Variants in CIC observed in about 807,000 individuals in gnomAD.
The protein encoded by CIC is protein capicua homolog.
CIC carries 18 observed loss-of-function variants against 115.7 expected under a neutral mutation model. The ratio of observed to expected loss-of-function variants is 0.16; its 90% CI spans 0.11 to 0.23. The LOEUF (loss-of-function observed/expected upper bound fraction) is 0.23, where lower values mean the gene tolerates loss of function less well. Among genes scored for constraint, CIC ranks in the 10% least tolerant of loss-of-function variants. CIC has a pLI of 1.00. For missense variants in CIC, 2,000 were observed against 2,159.3 expected, an observed-to-expected ratio of 0.93 and a Z score of 1.46; for synonymous variants, 1,076 against 923.0, an observed-to-expected ratio of 1.17 and a Z score of -3.01.
At position 42,293,134 on chromosome 19, in the gene CIC, A is replaced by T. The variant is rs754452257; in HGVS notation, c.6375A>T (p.Pro2125=). 3.7e-6 allele frequency: 6 copies of T among 1,608,190 alleles called. No homozygotes were observed. The South Asian group carries it at 6.6e-5, about 18-fold the overall frequency. The part of the protein sequence containing the change: ...QPLEPGPVRE[P]TAPESELEGQ... ...TGGAGCCTGGCCCAGTCCGAGAGCC[A>T]ACTGCCCCAGAGTCTGAGCTTGAGG... The change falls in exon 16 of 21, where the codon CCA becomes CCT. Residue 2125 remains proline, a synonymous_variant. Transcript: ENST00000681038.
In CIC at chr19:42,291,394, G is replaced by GTCCTGGCTGCCACTGCACCCAC. The variant is rs1321489562; in HGVS notation, c.5361_5382dup (p.Ile1795CysfsTer52). On this transcript the variant is annotated frameshift_variant, in exon 11 of 21. Transcript: ENST00000681038. LOFTEE classifies it high-confidence loss of function. Reference sequence around the variant, plus strand: ...ACCGGGCACTTCCACCAACGGCAAAGTCCTGGCTGCCACTGCACCCACTCC... The same window carrying GTCCTGGCTGCCACTGCACCCAC: ...ACCGGGCACTTCCACCAACGGCAAAGTCCTGGCTGCCACTGCACCCACTCCTGGCTGCCACTGCACCCACTCC... 1 of 1,612,370 alleles carries GTCCTGGCTGCCACTGCACCCAC rather than the reference G, an allele frequency of 6.2e-7. No homozygotes were observed. Among genetic ancestry groups the GTCCTGGCTGCCACTGCACCCAC allele is most frequent in the Non-Finnish European group, 8.5e-7 (1 of 1,179,742 alleles).
rs1471962009 is a variant in CIC at position 42,289,405 on chromosome 19, T to G, written c.4086T>G (p.Ile1362Met). The G allele has an allele frequency of 6.4e-7, 1 of 1,570,424 alleles. No homozygotes were observed. The highest frequency in any genetic ancestry group is 2.4e-5 in the East Asian group (1 of 41,904). ...AGGAGGAAGGGGATGATGATGTCAT[T>G]GGTGAGCATTGCAGGGCCCAGAATC... Reference protein sequence around the residue: ...ICEEEGDDDVIADDGFGTTDI... With the variant: ...ICEEEGDDDVMADDGFGTTDI... Residue 1362 changes from isoleucine (I) to methionine (M), a missense_variant and splice_region_variant, in exon 9 of 21, where the codon ATT becomes ATG. This residue lies in a region of CIC where 1,466 missense variants were observed against 1,390.4 expected (regional missense o/e 1.05). Transcript: ENST00000681038.
At position 42,289,904 on chromosome 19, in the gene CIC, G is replaced by T; in HGVS notation, c.4144G>T (p.Asp1382Tyr). ...TCTCAAGTGCAAGGAGCGGGTGACC[G>T]ACAGCGAGAGTGGGGACAGCTCTGG... ...IDLKCKERVTDSESGDSSGED... is the reference protein window; with the variant it reads ...IDLKCKERVTYSESGDSSGED... Residue 1382 changes from aspartate to tyrosine, a missense_variant, in exon 10 of 21, where the codon GAC becomes TAC. Around this residue, in one of 8 missense-constraint regions of CIC, gnomAD observed 1,466 missense variants for 1,390.4 expected, o/e 1.05. Coordinates refer to ENST00000681038, the MANE Select transcript of CIC (RefSeq NM_001386298.1). 1.2e-6 allele frequency: 2 copies of T among 1,610,320 alleles called. No individual in the cohort carries two copies. Among genetic ancestry groups the T allele is most frequent in the African/African-American group, 2.7e-5 (2 of 75,002 alleles).
At chr19:42,283,908 A>ATGGGGGCGGGCGCGGCGGGGCCTGACC (rs2037394395) in intron 2 of CIC, 1 of 150,454 alleles carries the variant, frequency 6.6e-6, no homozygotes, top group Non-Finnish European at 1.5e-5. Flanking sequence ...GGGGCGGCCA[A>ATGGGGGCGGGCGCGGCGGGGCCTGACC]TGGGGGCGGG....
At chr19:42,282,880 GA>G (rs1391282492) in intron 2 of CIC, among the ~76,000 whole-genome samples, 12 of 151,780 alleles carry the variant, frequency 7.9e-5, no homozygotes, top group Admixed American at 1.3e-4. Context: ...TTTTTTCTGG[GA>G]GGGGGGGCGG....
At position 42,289,407 on chromosome 19, in the gene CIC, G is replaced by A; in HGVS notation, c.4087+1G>A. 6.4e-7 allele frequency: 1 copy of A among 1,570,506 alleles called. No individual in the cohort carries two copies. Among genetic ancestry groups the A allele is most frequent in the Non-Finnish European group, 8.6e-7 (1 of 1,157,596 alleles). ...GAGGAAGGGGATGATGATGTCATTG[G>A]TGAGCATTGCAGGGCCCAGAATCTT... On this transcript the variant is annotated splice_donor_variant, in intron 9 of 20. Transcript: ENST00000681038. LOFTEE classifies it high-confidence loss of function.
At chr19:42,279,558 A>G (rs994240209) in intron 2 of CIC, among the ~76,000 whole-genome samples, 1 of 152,354 alleles carries the variant, frequency 6.6e-6, no homozygotes, top group Admixed American at 6.5e-5. Context: ...ATGAGCAAAG[A>G]CCAGGAAGAG....
intron 16 of CIC, 69 bp from the exon 17 acceptor site, chr19:42,293,523 T>A: frequency 6.2e-7 from 1 of 1,610,218 alleles, no homozygotes; most frequent in South Asian, 1.1e-5. Context: ...GATCCAACTC[T>A]TTGTTTCTGG....
chr19:42,292,316 T>G lies in CIC; in HGVS notation c.5752T>G (p.Ser1918Ala). 9 of 1,613,162 alleles carry G rather than the reference T, an allele frequency of 5.6e-6. No homozygotes were observed. Among genetic ancestry groups the G allele is most frequent in the Non-Finnish European group, 7.6e-6 (9 of 1,179,986 alleles). Residue 1918 changes from serine (S) to alanine (A), a missense_variant, in exon 14 of 21, where the codon TCA becomes GCA. Physicochemically the swap from Ser to Ala is moderately conservative, Grantham distance 99 (BLOSUM62 1). Around this residue, in one of 8 missense-constraint regions of CIC, gnomAD observed 1,466 missense variants for 1,390.4 expected, o/e 1.05. Coordinates refer to ENST00000681038, the MANE Select transcript of CIC (RefSeq NM_001386298.1). ...PSSTRITYVQ[S>A]AGGHALPLGT... is the part of the protein sequence containing the mutation. ...CTGCGGCAGAATCACCTATGTGCAGTCAGCGGGCGGGCACGCGCTGCCCCT... is the reference window on the plus strand; with the variant it reads ...CTGCGGCAGAATCACCTATGTGCAGGCAGCGGGCGGGCACGCGCTGCCCCT...
At position 42,292,174 on chromosome 19, in the gene CIC, A is replaced by G; in HGVS notation, c.5702A>G (p.Gln1901Arg). The change falls in exon 13 of 21, where the codon CAG becomes CGG. Residue 1901 changes from glutamine to arginine, a missense_variant. Transcript: ENST00000681038. ...GCCACACTCCCTGGACCCACCTCTC[A>G]GCCTCAGAAGGTCCTGTTGCCCTCC... ...SPATLPGPTS[Q>R]PQKVLLPSST... 6.2e-7 allele frequency: 1 copy of G among 1,613,860 alleles called. No individual in the cohort carries two copies.
At chr19:42,286,679 GTGGGGCTACC>G in intron 2 of CIC, 82 bp from the exon 3 acceptor site, 1 of 1,554,250 alleles carries the variant, frequency 6.4e-7, no homozygotes, top group East Asian at 2.3e-5. Flanking sequence ...GACAAAAGGG[GTGGGGCTACC>G]TCATCTAGGG....
Position 42,293,268 on chromosome 19 carries a change from G to A in CIC, c.6509G>A (p.Gly2170Asp), listed in dbSNP as rs369312711. 1.3e-6 allele frequency: 2 copies of A among 1,579,618 alleles called. No individual in the cohort carries two copies. The highest frequency in any genetic ancestry group is 1.7e-6 in the Non-Finnish European group (2 of 1,165,506). ...GCTGAGGAGCGGACCAGCGCCAAGG[G>A]CCCTGAGACCATGGTGAGCGCCTGC... ...PPAEERTSAK[G>D]PETMASKFPS... The change falls in exon 16 of 21, where the codon GGC (glycine) becomes GAC (aspartate). Residue 2170 changes from glycine (G) to aspartate (D), a missense_variant. This residue lies in a region of CIC where 1,466 missense variants were observed against 1,390.4 expected (regional missense o/e 1.05). Coordinates refer to ENST00000681038, the MANE Select transcript of CIC (RefSeq NM_001386298.1).
In CIC at chr19:42,290,351, A is replaced by C. The variant is rs375196583; in HGVS notation, c.4310A>C (p.Tyr1437Ser). The change falls in exon 11 of 21, where the codon TAT becomes TCT. Residue 1437 changes from tyrosine (Y) to serine (S), a missense_variant. Coordinates refer to ENST00000681038, the MANE Select transcript of CIC (RefSeq NM_001386298.1). ...PDPPVAFGKG[Y>S]GSAPSSSASS... is the part of the protein sequence containing the mutation. ...CCTCCTGTAGCCTTTGGCAAAGGCT[A>C]TGGTTCCGCCCCATCCTCCTCTGCG... 4.3e-6 allele frequency: 7 copies of C among 1,613,996 alleles called. No individual in the cohort carries two copies. Among genetic ancestry groups the C allele is most frequent in the Non-Finnish European group, 5.9e-6 (7 of 1,179,954 alleles).
In CIC at chr19:42,292,339, C is replaced by A. The variant is rs1568522083; in HGVS notation, c.5775C>A (p.Pro1925=). Residue 1925 remains proline, a synonymous_variant, in exon 14 of 21, where the codon CCC becomes CCA. Transcript: ENST00000681038. ...AGTCAGCGGGCGGGCACGCGCTGCC[C>A]CTGGGTACCAGCCCTGCGTCCAGCC... ...YVQSAGGHAL[P]LGTSPASSQA... 2 of 1,612,998 alleles carry A rather than the reference C, an allele frequency of 1.2e-6. No individual in the cohort carries two copies. The highest frequency in any genetic ancestry group is 1.6e-4 in the Middle Eastern group (1 of 6,084).
At position 42,290,863 on chromosome 19, in the gene CIC, G is replaced by T. The variant is rs746895932; in HGVS notation, c.4822G>T (p.Ala1608Ser). The T allele has an allele frequency of 6.2e-7, 1 of 1,612,380 alleles. No individual in the cohort carries two copies. The highest frequency in any genetic ancestry group is 8.5e-7 in the Non-Finnish European group (1 of 1,179,546). ...CTTCCCCACCTCTGGCCGGGCTGAGGCGTCTCCAAATGACACAGCAGGTGC... is the reference window on the plus strand; with the variant it reads ...CTTCCCCACCTCTGGCCGGGCTGAGTCGTCTCCAAATGACACAGCAGGTGC... ...KPFPTSGRAEASPNDTAGART... is the reference protein window; with the variant it reads ...KPFPTSGRAESSPNDTAGART... The change falls in exon 11 of 21, where the codon GCG becomes TCG. Residue 1608 changes from alanine (A) to serine (S), a missense_variant. By Grantham distance (99) the Ala-to-Ser change is moderately conservative. Around this residue, in one of 8 missense-constraint regions of CIC, gnomAD observed 1,466 missense variants for 1,390.4 expected, o/e 1.05. Transcript: ENST00000681038.
In CIC at chr19:42,272,537, G is replaced by A. The variant is rs969303310; in HGVS notation, c.754G>A (p.Asp252Asn). ...TGAGGGGGTGCCAGGCGCTGGTGTG[G>A]ATGTAGTTTTGGATGCCACACCCCC... ...FYEGVPGAGV[D>N]VVLDATPPPG... Residue 252 changes from aspartate (D) to asparagine (N), a missense_variant, in exon 2 of 21, where the codon GAT becomes AAT. This residue lies in a region of CIC where 222 missense variants were observed against 247.7 expected (regional missense o/e 0.90). Coordinates refer to ENST00000681038, the MANE Select transcript of CIC (RefSeq NM_001386298.1). 7.5e-6 allele frequency: 3 copies of A among 398,494 alleles called. No homozygotes were observed. The highest frequency in any genetic ancestry group is 6.2e-5 in the African/African-American group (3 of 48,624). The allele number at this position is 398,494 out of a possible 1,614,324, so 24.7% of individuals were successfully genotyped here.
rs199958449 is a variant in CIC, at chr19:42,287,330, A to G, written c.3190A>G (p.Ile1064Val). Residue 1064 changes from isoleucine to valine, a missense_variant, in exon 5 of 21, where the codon ATC becomes GTC. Coordinates refer to ENST00000681038, the MANE Select transcript of CIC (RefSeq NM_001386298.1). The surrounding 1 kb of genome is among the most constrained non-coding windows in gnomAD (Gnocchi z 8.7). ...GCTGCCCCGCCGCAGCTTCCTCTCCATCATGTCTCCTGAGATCCAGTTGCC... is the reference window on the plus strand; with the variant it reads ...GCTGCCCCGCCGCAGCTTCCTCTCCGTCATGTCTCCTGAGATCCAGTTGCC... Reference protein sequence around the residue: ...ESDHDDAFLSIMSPEIQLPLP... With the variant: ...ESDHDDAFLSVMSPEIQLPLP... The G allele has an allele frequency of 2.0e-5, 32 of 1,614,062 alleles. No individual in the cohort carries two copies. The East Asian group carries it at 4.2e-4, about 21-fold the overall frequency.
Position 42,290,677 on chromosome 19 carries a change from A to C in CIC, c.4636A>C (p.Lys1546Gln). The C allele has an allele frequency of 6.2e-7, 1 of 1,612,546 alleles. No homozygotes were observed. The highest frequency in any genetic ancestry group is 8.5e-7 in the Non-Finnish European group (1 of 1,179,494). The change falls in exon 11 of 21, where the codon AAG becomes CAG. Residue 1546 changes from lysine (K) to glutamine (Q), a missense_variant. This residue lies in a region of CIC where 1,466 missense variants were observed against 1,390.4 expected (regional missense o/e 1.05). Transcript: ENST00000681038. Reference sequence around the variant, plus strand: ...GCAGACACTGGTGCTGCCCCCAAACAAGGAGGAGCAAGAGGGCGGCGGAGC... The same window carrying C: ...GCAGACACTGGTGCTGCCCCCAAACCAGGAGGAGCAAGAGGGCGGCGGAGC... ...ILQTLVLPPNKEEQEGGGARV... is the reference protein window; with the variant it reads ...ILQTLVLPPNQEEQEGGGARV...
rs73932883 is a variant in CIC at position 42,294,808 on chromosome 19, G to A, written c.7187-16G>A. On this transcript the variant is annotated splice_polypyrimidine_tract_variant and intron_variant, in intron 20 of 20. Transcript: ENST00000681038. The stretch of plus-strand genomic sequence containing the variant: ...TACATCTCATCCTGTGCTCCCCACC[G>A]TTTTTCTATCTCCAGCCCAGGCCAC... The A allele has an allele frequency of 1.1e-3, 1,832 of 1,605,126 alleles. 18 individuals carry two copies. In the African/African-American group the frequency reaches 0.021, roughly 18 times the overall value.
Sources: allele counts gnomAD v4.1 joint callset (sites outside exome capture counted in the v4.1 genomes callset), GRCh38; gene constraint gnomAD v4.1.1; regional missense constraint gnomAD v4.1.1; non-coding constraint Gnocchi (gnomAD v3.1); transcripts MANE v1.5; gene names NCBI Gene and HGNC (gene_info 2026-07-23, HGNC 2026-07-21).